ADAMTS19: variants seen among roughly 807,000 people sequenced by gnomAD.
The protein encoded by ADAMTS19 is A disintegrin and metalloproteinase with thrombospondin motifs 19.
Under a neutral mutation model 153.3 loss-of-function variants are expected in ADAMTS19, and 93 were observed. The ratio of observed to expected loss-of-function variants is 0.61; its 90% CI spans 0.51 to 0.72. ADAMTS19 has a LOEUF of 0.72. Ranked by LOEUF, ADAMTS19 falls within the 30% of genes least tolerant of loss-of-function variation. The pLI, the probability that ADAMTS19 is intolerant of heterozygous loss-of-function variation, is 0.00. For synonymous variants in ADAMTS19, 600 were observed against 556.6 expected (o/e 1.08, Z -1.10); for missense variants, 1,482 against 1,552.1 (o/e 0.95, Z 0.76).
At chr5:129,702,968 A>G (rs1755978775) in intron 20 of ADAMTS19, among the ~76,000 whole-genome samples, 2 of 134,538 alleles carry the variant, frequency 1.5e-5, no homozygotes, top group African/African-American at 6.4e-5. Flanking sequence ...ATATATATAT[A>G]TATACAAATA....
chr5:129,687,985 G>C (rs541384233), intron 18 of ADAMTS19: 2 of 152,192 alleles, frequency 1.3e-5, no homozygotes, highest in African/African-American at 2.4e-5. Context: ...TTCCAACTCT[G>C]CTCCATTGTG....
At position 129,707,516 on chromosome 5, in the gene ADAMTS19, T is replaced by C. The variant is rs1171503096; in HGVS notation, c.3312+3125T>C. Among the ~76,000 whole-genome samples, 9 of 152,228 alleles carry C rather than the reference T, an allele frequency of 5.9e-5. No homozygotes were observed. The East Asian group carries it at 1.7e-3, about 29-fold the overall frequency. On this transcript the variant is annotated intron_variant, in intron 21 of 22. Transcript: ENST00000274487. ...TGAATTTTATTGGTTTCACCCTTCA[T>C]TTTATACTTCTATGACATTACTTTC...
At chr5:129,612,354 T>A (rs12522028) in intron 8 of ADAMTS19, among the ~76,000 whole-genome samples, 77,429 of 151,622 alleles carry the variant, frequency 0.51, 22,863 homozygotes, top group Non-Finnish European at 0.66. Context: ...TGTGCCACAT[T>A]TTCTTAATCC....
intron 2 of ADAMTS19, among the ~76,000 whole-genome samples, chr5:129,479,711 A>G (rs1750346436): frequency 6.6e-6 from 1 of 152,208 alleles, no homozygotes; most frequent in South Asian, 2.1e-4. Flanking sequence ...TACTATAAAA[A>G]CATGAGACAC....
At chr5:129,548,402 T>A (rs995409902) in intron 6 of ADAMTS19, among the ~76,000 whole-genome samples, 2 of 151,308 alleles carry the variant, frequency 1.3e-5, no homozygotes, top group African/African-American at 4.9e-5. Context: ...AAGACATTTA[T>A]GCAGCCAAAA....
intron 8 of ADAMTS19, among the ~76,000 whole-genome samples, chr5:129,602,318 C>T (rs866627019): frequency 2.2e-4 from 34 of 152,108 alleles, no homozygotes; most frequent in African/African-American, 7.7e-4. Context: ...CGTGAACTCC[C>T]GACCTCAGGT....
chr5:129,462,766 G>A (rs1749726966), intron 2 of ADAMTS19, among the ~76,000 whole-genome samples: 1 of 152,096 alleles, frequency 6.6e-6, no homozygotes, highest in African/African-American at 2.4e-5. Flanking sequence ...CTATTAATTG[G>A]TTTAAGACAA....
chr5:129,593,861 T>A (rs771607636), intron 7 of ADAMTS19, among the ~76,000 whole-genome samples: 1 of 152,182 alleles, frequency 6.6e-6, no homozygotes, highest in Non-Finnish European at 1.5e-5. Context: ...CCTGTAGTAC[T>A]TATTCAGCTC....
rs558019031 is a variant in ADAMTS19, at chr5:129,724,589, C to T, written c.3313-10343C>T. On this transcript the variant is annotated intron_variant, in intron 21 of 22. Coordinates refer to ENST00000274487, the MANE Select transcript of ADAMTS19 (RefSeq NM_133638.6). ...AATACCCGAGGTTTGTTGTCTCATG[C>T]CAGGGGCAGACACACAATAAGTAAG... Among the ~76,000 whole-genome samples the T allele has an allele frequency of 7.2e-5, 11 of 152,222 alleles. No homozygotes were observed. The South Asian group carries it at 2.3e-3, about 32-fold the overall frequency.
chr5:129,675,726 T>TA (rs1293134630), intron 16 of ADAMTS19, among the ~76,000 whole-genome samples: 1 of 152,172 alleles, frequency 6.6e-6, no homozygotes, highest in Non-Finnish European at 1.5e-5. Flanking sequence ...TGAACATACT[T>TA]ACAATAGCTC....
At chr5:129,615,310 A>T (rs902006498) in intron 8 of ADAMTS19, among the ~76,000 whole-genome samples, 1 of 152,000 alleles carries the variant, frequency 6.6e-6, no homozygotes, top group Non-Finnish European at 1.5e-5. Flanking sequence ...AACTATGAAA[A>T]TCAGATTGAT....
chr5:129,559,246 T>G (rs1753417057), intron 7 of ADAMTS19, among the ~76,000 whole-genome samples: 2 of 152,088 alleles, frequency 1.3e-5, no homozygotes, highest in South Asian at 4.1e-4. Context: ...TTCCAATACA[T>G]GTAACCAACA....
chr5:129,653,005 A>G (rs1175803251), intron 13 of ADAMTS19, among the ~76,000 whole-genome samples: 1 of 152,188 alleles, frequency 6.6e-6, no homozygotes, highest in Non-Finnish European at 1.5e-5. Flanking sequence ...ATTAAAGGCC[A>G]TGTTCCAACT....
In ADAMTS19 at chr5:129,548,787, C is replaced by A. The variant is rs1581070859; in HGVS notation, c.1329-3077C>A. ...ACTTGGAACCAACCCAAATGTCCAA[C>A]AACGATAGACTGGATTAAGAAAATG... is the stretch of plus-strand genomic sequence containing the variant. On this transcript the variant is annotated intron_variant, in intron 6 of 22. Transcript: ENST00000274487. Among the ~76,000 whole-genome samples the A allele has an allele frequency of 3.3e-5, 5 of 151,912 alleles. No individual in the cohort carries two copies. In the South Asian group the frequency reaches 6.2e-4, roughly 19 times the overall value.
intron 2 of ADAMTS19, among the ~76,000 whole-genome samples, chr5:129,486,568 G>A (rs1356728834): frequency 6.6e-6 from 1 of 151,926 alleles, no homozygotes; most frequent in Non-Finnish European, 1.5e-5. Flanking sequence ...AACAAACTAG[G>A]AATAGACATA....
intron 20 of ADAMTS19, among the ~76,000 whole-genome samples, 186 bp downstream of exon 20, chr5:129,701,778 T>G (rs1165992374): frequency 6.6e-6 from 1 of 152,222 alleles, no homozygotes; most frequent in Non-Finnish European, 1.5e-5. Flanking sequence ...GATATTTACT[T>G]TCTATTCTAT....
chr5:129,623,331 G>A (rs978207024), intron 10 of ADAMTS19, among the ~76,000 whole-genome samples: 1 of 151,180 alleles, frequency 6.6e-6, no homozygotes, highest in Admixed American at 6.6e-5. Context: ...TTTCTTTCCT[G>A]CTGCCCATCC....
chr5:129,717,587 A>G (rs1756789864), intron 21 of ADAMTS19, among the ~76,000 whole-genome samples: 1 of 152,336 alleles, frequency 6.6e-6, no homozygotes, highest in East Asian at 1.9e-4. Flanking sequence ...GTTTTTAAAA[A>G]AGTTGAGTTT....
At chr5:129,631,041 A>G (rs1752261795) in intron 10 of ADAMTS19, among the ~76,000 whole-genome samples, 1 of 151,986 alleles carries the variant, frequency 6.6e-6, no homozygotes, top group Non-Finnish European at 1.5e-5. Context: ...TTGCATATAC[A>G]TTGCAATGTC....
Sources: gnomAD v4.1 joint callset for allele counts (sites outside exome capture counted in the v4.1 genomes callset) on GRCh38, gnomAD v4.1.1 for gene constraint, MANE v1.5 for transcripts, NCBI Gene and HGNC (gene_info 2026-07-23, HGNC 2026-07-21) for gene names.